ROBO1: variants seen among roughly 807,000 people sequenced by gnomAD.
The protein encoded by ROBO1 is roundabout guidance receptor 1.
ROBO1 carries 149 observed loss-of-function variants against 195.9 expected under a neutral mutation model. That is an observed-to-expected ratio of 0.76 (90% CI 0.67 to 0.87). The LOEUF (loss-of-function observed/expected upper bound fraction) is 0.87. Ranked by LOEUF, ROBO1 falls within the 40% of genes least tolerant of loss-of-function variation. ROBO1 has a pLI of 0.00. For synonymous variants in ROBO1, 816 were observed against 733.2 expected (o/e 1.11, Z -1.82); for missense variants, 1,933 against 2,068.3 (o/e 0.93, Z 1.27).
chr3:78,759,581 G>GT (rs2083038383), intron 4 of ROBO1, among the ~76,000 whole-genome samples: 2 of 152,212 alleles, frequency 1.3e-5, no homozygotes, highest in East Asian at 3.9e-4. Context: ...ATAAATAGCT[G>GT]TTTTTTCAGT....
chr3:79,562,808 T>C (rs1942966713), intron 2 of ROBO1, among the ~76,000 whole-genome samples: 1 of 152,002 alleles, frequency 6.6e-6, no homozygotes, highest in South Asian at 2.1e-4. Context: ...TAAAGTGATA[T>C]CCATTCAAAA....
chr3:78,976,175 G>A (rs2076880765), intron 3 of ROBO1, among the ~76,000 whole-genome samples: 1 of 152,068 alleles, frequency 6.6e-6, no homozygotes. Context: ...TCAAAATCAA[G>A]AGCAAAGAAT....
intron 3 of ROBO1, among the ~76,000 whole-genome samples, chr3:78,992,759 A>G (rs2077267251): frequency 6.6e-6 from 1 of 152,172 alleles, no homozygotes; most frequent in East Asian, 1.9e-4. Flanking sequence ...AAGAGTCTAG[A>G]AACACAATAT....
chr3:79,291,669 T>C (rs773826324), intron 2 of ROBO1, among the ~76,000 whole-genome samples: 1 of 152,190 alleles, frequency 6.6e-6, no homozygotes, highest in Admixed American at 6.5e-5. Context: ...ATCAGTCTTA[T>C]TGCAGGTTGT....
chr3:79,510,384 A>T (rs1253673155), intron 2 of ROBO1, among the ~76,000 whole-genome samples: 1 of 152,114 alleles, frequency 6.6e-6, no homozygotes, highest in African/African-American at 2.4e-5. Context: ...TCCCAGTTAT[A>T]TGGAACTGTG....
At chr3:78,920,363 G>A (rs1210182090) in intron 4 of ROBO1, among the ~76,000 whole-genome samples, 1 of 151,866 alleles carries the variant, frequency 6.6e-6, no homozygotes, top group Middle Eastern at 3.2e-3. Flanking sequence ...GGAGTACAGT[G>A]GCACAATCTC....
chr3:79,557,020 G>GTT (rs375271433), intron 2 of ROBO1, among the ~76,000 whole-genome samples: 1 of 135,792 alleles, frequency 7.4e-6, no homozygotes, highest in African/African-American at 2.7e-5. Context: ...TTTTTTTGTT[G>GTT]TTTTTTTTTT....
chr3:79,032,883 T>A (rs1437275251), intron 3 of ROBO1, among the ~76,000 whole-genome samples: 2 of 152,042 alleles, frequency 1.3e-5, no homozygotes, highest in Non-Finnish European at 2.9e-5. Context: ...TGAGGATGTT[T>A]AGTACACAAT....
Position 79,532,997 on chromosome 3 carries a change from A to G in ROBO1, c.88+56827T>C, listed in dbSNP as rs75168956. On this transcript the variant is annotated intron_variant, in intron 2 of 30. Transcript: ENST00000464233. ...TTAATCATCTGCTTTAAAAAAAAGT[A>G]TCTTGTAATTAAGTACCTTGGAGAA... 1,915 of 325,364 alleles carry G rather than the reference A, an allele frequency of 5.9e-3. 27 individuals carry two copies. Among genetic ancestry groups the G allele is most frequent in the African/African-American group, 0.04 (1,796 of 44,894 alleles). 20.2% of individuals were successfully genotyped at this position (325,364 alleles called of 1,614,324 possible). A position where few individuals can be genotyped will look rare whatever the true frequency, so the allele number is the denominator to read the frequency against.
chr3:78,924,284 T>C (rs956238474), intron 4 of ROBO1, among the ~76,000 whole-genome samples: 1 of 152,082 alleles, frequency 6.6e-6, no homozygotes, highest in Non-Finnish European at 1.5e-5. Flanking sequence ...CGTACAATTA[T>C]ATCTAATCAA....
At chr3:78,790,691 A>G (rs1426184067) in intron 4 of ROBO1, among the ~76,000 whole-genome samples, 1 of 152,196 alleles carries the variant, frequency 6.6e-6, no homozygotes, top group East Asian at 1.9e-4. Context: ...ATTATCTCAT[A>G]AAACAGAAAG....
chr3:79,048,676 C>G (rs1382488629), intron 3 of ROBO1, among the ~76,000 whole-genome samples: 1 of 152,140 alleles, frequency 6.6e-6, no homozygotes, highest in African/African-American at 2.4e-5. Context: ...TCTCTTCCCT[C>G]TATTGTCACA....
intron 1 of ROBO1, among the ~76,000 whole-genome samples, chr3:79,645,622 A>G (rs1945797706): frequency 2.6e-5 from 4 of 152,148 alleles, no homozygotes; most frequent in Admixed American, 6.6e-5. Flanking sequence ...AGAAAGACCA[A>G]TCCTACACTT....
chr3:78,985,009 T>C (rs1041872954), intron 3 of ROBO1, among the ~76,000 whole-genome samples: 1 of 152,136 alleles, frequency 6.6e-6, no homozygotes. Flanking sequence ...ACTTAATGAA[T>C]AATAAATATA....
At chr3:79,181,963 T>C (rs1201730819) in intron 2 of ROBO1, among the ~76,000 whole-genome samples, 1 of 150,486 alleles carries the variant, frequency 6.6e-6, no homozygotes, top group African/African-American at 2.4e-5. Context: ...ATGGATTTTA[T>C]TCACATATAT....
chr3:79,761,199 TA>T (rs1704680943), intron 1 of ROBO1, among the ~76,000 whole-genome samples: 7 of 149,208 alleles, frequency 4.7e-5, no homozygotes, highest in African/African-American at 1.7e-4. Context: ...TAGAACACTA[TA>T]TTGCAATGAA....
intron 1 of ROBO1, among the ~76,000 whole-genome samples, chr3:79,762,889 A>T (rs1013788051): frequency 2.6e-5 from 4 of 152,132 alleles, no homozygotes; most frequent in Non-Finnish European, 5.9e-5. Context: ...GAAGAGGTGA[A>T]GTTCAAGAGA....
At chr3:79,300,968 A>G (rs1340660721) in intron 2 of ROBO1, among the ~76,000 whole-genome samples, 1 of 152,042 alleles carries the variant, frequency 6.6e-6, no homozygotes, top group Non-Finnish European at 1.5e-5. Flanking sequence ...AAAACACACC[A>G]CTGGGCTCTA....
intron 2 of ROBO1, among the ~76,000 whole-genome samples, chr3:79,229,751 T>C (rs1233376064): frequency 6.6e-6 from 1 of 152,142 alleles, no homozygotes; most frequent in Non-Finnish European, 1.5e-5. Context: ...TTTTGTGACA[T>C]GATAAAAATG....
Sources: gnomAD v4.1 joint callset for allele counts (sites outside exome capture counted in the v4.1 genomes callset) on GRCh38, gnomAD v4.1.1 for gene constraint, MANE v1.5 for transcripts, NCBI Gene and HGNC (gene_info 2026-07-23, HGNC 2026-07-21) for gene names.